The following EHF variants were observed in gnomAD, a reference collection of about 807,000 sequenced individuals.
EHF encodes ESE3 transcription factor.
In EHF, 14 loss-of-function variants were observed where a neutral mutation model predicts 45.1. The ratio of observed to expected loss-of-function variants is 0.31; its 90% CI spans 0.21 to 0.49. EHF has a LOEUF of 0.49. Ranked by LOEUF, EHF falls within the 20% of genes least tolerant of loss-of-function variation. The pLI is 0.99. For missense variants in EHF, 282 were observed against 371.4 expected, an observed-to-expected ratio of 0.76 and a Z score of 1.98; for synonymous variants, 136 against 131.8, an observed-to-expected ratio of 1.03 and a Z score of -0.22.
At chr11:34,646,218 T>C (rs1314700198) in intron 2 of EHF, among the ~76,000 whole-genome samples, 1 of 152,120 alleles carries the variant, frequency 6.6e-6, no homozygotes, top group Non-Finnish European at 1.5e-5. Flanking sequence ...GGGGATGAGC[T>C]CTGAGCACTT....
intron 3 of EHF, among the ~76,000 whole-genome samples, chr11:34,647,083 A>ACCCCC (rs1335937029): frequency 2.9e-5 from 4 of 138,834 alleles, no homozygotes; most frequent in African/African-American, 1.1e-4. Flanking sequence ...AACAAAACAA[A>ACCCCC]ACCCCCCCCA....
chr11:34,630,043 A>C (rs1305521519), intron 1 of EHF, among the ~76,000 whole-genome samples: 1 of 152,216 alleles, frequency 6.6e-6, no homozygotes, highest in African/African-American at 2.4e-5. Flanking sequence ...ACTGATTTGC[A>C]CTGAAAGGGA....
At chr11:34,648,961 G>A in intron 3 of EHF, 58 bp from the exon 4 acceptor site, 5 of 1,510,184 alleles carry the variant, frequency 3.3e-6, no homozygotes, top group Non-Finnish European at 1.8e-6. Context: ...CCTTATTTAA[G>A]CATCCAGTTC....
intron 2 of EHF, among the ~76,000 whole-genome samples, chr11:34,644,159 A>G (rs1054501309): frequency 2.0e-5 from 3 of 152,246 alleles, no homozygotes; most frequent in Non-Finnish European, 4.4e-5. Flanking sequence ...CTTTTAATCT[A>G]GACCGTATCA....
At chr11:34,626,522 C>T (rs1300446406) in intron 1 of EHF, among the ~76,000 whole-genome samples, 5 of 152,142 alleles carry the variant, frequency 3.3e-5, no homozygotes, top group Non-Finnish European at 7.4e-5. Flanking sequence ...TCTAGTCAGC[C>T]TCATTTCATC....
Position 34,656,958 on chromosome 11 carries a change from A to G in EHF, c.595A>G (p.Thr199Ala), listed in dbSNP as rs1188806452. 1 of 1,613,484 alleles carries G rather than the reference A, an allele frequency of 6.2e-7. No homozygotes were observed. The highest frequency in any genetic ancestry group is 2.2e-5 in the East Asian group (1 of 44,786). Reference protein sequence around the residue: ...KEQDPPAKCHTKKHNPRGTHL... With the variant: ...KEQDPPAKCHAKKHNPRGTHL... ...GCAAGACCCCCCTGCCAAGTGCCAC[A>G]CCAAAAAGCACAGTAAGTTGGCTGG... Residue 199 changes from threonine to alanine, a missense_variant, in exon 7 of 9, where the codon ACC becomes GCC. Physicochemically the swap from Thr to Ala is moderately conservative, Grantham distance 58. Coordinates refer to ENST00000257831, the MANE Select transcript of EHF (RefSeq NM_012153.6).
chr11:34,658,770 C>T (rs1565049237), intron 8 of EHF, 42 bp downstream of exon 8: 27 of 1,607,730 alleles, frequency 1.7e-5, no homozygotes, highest in Non-Finnish European at 2.3e-5. Flanking sequence ...GGCTGTACGA[C>T]CCATTATTTA....
At chr11:34,648,432 A>T (rs1854798758) in intron 3 of EHF, among the ~76,000 whole-genome samples, 2 of 152,214 alleles carry the variant, frequency 1.3e-5, no homozygotes, top group South Asian at 4.1e-4. Context: ...AGGTCATGTG[A>T]TGTGTACTGC....
intron 8 of EHF, 36 bp from the exon 9 acceptor site, chr11:34,658,796 C>T (rs568623948): frequency 3.2e-5 from 51 of 1,606,412 alleles, no homozygotes; most frequent in Non-Finnish European, 4.0e-5. Flanking sequence ...CAACCTTCAT[C>T]GGATCAGTCA....
chr11:34,652,118 C>T (rs577633956), intron 6 of EHF, among the ~76,000 whole-genome samples: 7 of 152,268 alleles, frequency 4.6e-5, no homozygotes, highest in Admixed American at 3.9e-4. Context: ...TAAAATTATT[C>T]ATATTTGGGT....
Position 34,661,152 on chromosome 11 carries a change from G to C in EHF, c.*2221G>C, listed in dbSNP as rs970150785. ...TACAAGAAGGCCAAAGAACTATGGG[G>C]CCTTCCCAGCATTTGACTGTTCATT... On this transcript the variant is annotated 3_prime_UTR_variant, in exon 9 of 9. Coordinates refer to ENST00000257831, the MANE Select transcript of EHF (RefSeq NM_012153.6). 6.6e-6 allele frequency: 1 copy of C among 152,164 alleles called. No homozygotes were observed. Among genetic ancestry groups the C allele is most frequent in the Admixed American group, 6.6e-5 (1 of 15,262 alleles). The allele number at this position is 152,164 out of a possible 1,614,324, so 9.4% of individuals were successfully genotyped here.
chr11:34,653,292 C>G (rs555741106), intron 6 of EHF, among the ~76,000 whole-genome samples: 4 of 152,258 alleles, frequency 2.6e-5, no homozygotes, highest in African/African-American at 9.6e-5. Context: ...TCTTGAGGCA[C>G]CCGGGAAACA....
At chr11:34,630,165 G>A (rs1293782677) in intron 1 of EHF, among the ~76,000 whole-genome samples, 1 of 152,136 alleles carries the variant, frequency 6.6e-6, no homozygotes, top group African/African-American at 2.4e-5. Flanking sequence ...AAAGTATAAC[G>A]TCCTAACAGA....
chr11:34,647,094 C>T (rs1043753309), intron 3 of EHF, among the ~76,000 whole-genome samples: 2 of 136,318 alleles, frequency 1.5e-5, no homozygotes, highest in East Asian at 2.3e-4. Context: ...ACCCCCCCCA[C>T]ACACACACAC....
chr11:34,653,925 C>G (rs1480073477), intron 6 of EHF, among the ~76,000 whole-genome samples: 2 of 152,192 alleles, frequency 1.3e-5, no homozygotes, highest in Admixed American at 6.5e-5. Context: ...TTTGATTTCT[C>G]TGTCATCTGC....
intron 1 of EHF, among the ~76,000 whole-genome samples, chr11:34,623,724 CTTTCTGGAATCTTGCGATATTTTA>C (rs1565019079): frequency 6.6e-6 from 1 of 152,200 alleles, no homozygotes; most frequent in East Asian, 1.9e-4. Flanking sequence ...TAGAATTTCG[CTTTCTGGAATCTTGCGATATTTTA>C]TTTCCTCTAT....
rs36093910 is a variant in EHF at position 34,659,794 on chromosome 11, A to G, written c.*863A>G. On this transcript the variant is annotated 3_prime_UTR_variant, in exon 9 of 9. Coordinates refer to ENST00000257831, the MANE Select transcript of EHF (RefSeq NM_012153.6). ...TTTGCTCTTGTATCCCTATAGTCCA[A>G]GGTTTCTCAATCTGCACAATTGACA... 3,418 of 152,256 alleles carry G rather than the reference A, an allele frequency of 0.022. 80 individuals carry two copies. The highest frequency in any genetic ancestry group is 0.031 in the Middle Eastern group (9 of 294). 9.4% of individuals were successfully genotyped at this position (152,256 alleles called of 1,614,324 possible).
intron 1 of EHF, chr11:34,642,395 T>C: frequency 6.9e-6 from 3 of 432,632 alleles, no homozygotes; most frequent in Non-Finnish European, 1.3e-5. Flanking sequence ...GATTATTCAT[T>C]TATGAATGGG....
rs373291099 is a variant in EHF, at chr11:34,631,186, C to A, written c.-4+9958C>A. On this transcript the variant is annotated intron_variant, in intron 1 of 8. Transcript: ENST00000257831. ...AGCTGGGACTACAGGCACATGCCAC[C>A]ATGCCTGGCTAATTTGTATATTTTT... Among the ~76,000 whole-genome samples the A allele has an allele frequency of 5.3e-5, 8 of 152,246 alleles. No homozygotes were observed. In the East Asian group the frequency reaches 1.3e-3, roughly 26 times the overall value.
Sources: gnomAD v4.1 joint callset for allele counts (sites outside exome capture counted in the v4.1 genomes callset) on GRCh38, gnomAD v4.1.1 for gene constraint, MANE v1.5 for transcripts, NCBI Gene and HGNC (gene_info 2026-07-23, HGNC 2026-07-21) for gene names.